Variants in KLRG2 observed in about 807,000 individuals in gnomAD.
The protein encoded by KLRG2 is killer cell lectin-like receptor subfamily G member 2.
KLRG2 carries 39 observed loss-of-function variants against 35.4 expected under a neutral mutation model. That is an observed-to-expected ratio of 1.10 (90% CI 0.85 to 1.44). KLRG2 has a LOEUF of 1.44. KLRG2 is among the 40% of genes most tolerant of loss of function. The probability of loss-of-function intolerance (pLI) is 0.00; values close to 1 mark genes in which losing one functional copy is unlikely to be tolerated. For missense variants in KLRG2, 632 were observed against 570.9 expected, an observed-to-expected ratio of 1.11 and a Z score of -1.09; for synonymous variants, 283 against 265.8, an observed-to-expected ratio of 1.06 and a Z score of -0.63.
chr7:139,444,430 C>G, the KLRG2 span, among the ~76,000 whole-genome samples: 1 of 152,316 alleles, frequency 6.6e-6, no homozygotes, highest in East Asian at 1.9e-4. Context: ...GATCCACCCA[C>G]CTGGGTCTCC....
At chr7:139,450,262 C>T (rs370101760), downstream of KLRG2, among the ~76,000 whole-genome samples, 2 of 150,876 alleles carry the variant, frequency 1.3e-5, no homozygotes, top group South Asian at 4.2e-4. Context: ...CTTGCTCTGT[C>T]GCCCAGGCTG....
intron 3 of KLRG2, among the ~76,000 whole-genome samples, chr7:139,462,126 G>T (rs1796579041): frequency 6.6e-6 from 1 of 152,086 alleles, no homozygotes. Context: ...GTAGAGACAG[G>T]AGACGCGTTT....
At chr7:139,467,914 C>G in intron 3 of KLRG2, among the ~76,000 whole-genome samples, 1 of 152,150 alleles carries the variant, frequency 6.6e-6, no homozygotes, top group Non-Finnish European at 1.5e-5. Flanking sequence ...TCCTGCTCGT[C>G]ACTGGGCAAT....
Position 139,466,395 on chromosome 7 carries a change from G to A in KLRG2, c.1006-12181C>T, listed in dbSNP as rs148362194. Among the ~76,000 whole-genome samples, 70 of 152,164 alleles carry A rather than the reference G, an allele frequency of 4.6e-4. No homozygotes were observed. The East Asian group carries it at 0.012, about 26-fold the overall frequency. ...TCTGATAATGGACCGGCCTTTATTA[G>A]TCAAATCACCCAAGCAGTTTCTCAG... On this transcript the variant is annotated intron_variant, in intron 3 of 4. Coordinates refer to ENST00000340940, the MANE Select transcript of KLRG2 (RefSeq NM_198508.4).
the KLRG2 span, among the ~76,000 whole-genome samples, chr7:139,444,019 C>T: frequency 6.6e-6 from 1 of 152,164 alleles, no homozygotes; most frequent in African/African-American, 2.4e-5. Flanking sequence ...GTCCAAGAGT[C>T]CAAAAGCTGA....
chr7:139,439,649 A>G, the KLRG2 span, among the ~76,000 whole-genome samples: 15 of 152,060 alleles, frequency 9.9e-5, no homozygotes, highest in Non-Finnish European at 2.1e-4. Flanking sequence ...CTTCCTCCCC[A>G]ATTTCTGGCA....
chr7:139,457,666 T>C (rs1796499962), intron 3 of KLRG2, among the ~76,000 whole-genome samples: 1 of 152,130 alleles, frequency 6.6e-6, no homozygotes, highest in Non-Finnish European at 1.5e-5. Flanking sequence ...TGTCCTTCTG[T>C]CAGAGCCCCA....
At chr7:139,449,017 A>C (rs2116412559), downstream of KLRG2, among the ~76,000 whole-genome samples, 1 of 149,556 alleles carries the variant, frequency 6.7e-6, no homozygotes, top group South Asian at 2.1e-4. Flanking sequence ...TGAGGCAGAG[A>C]ATTGCTTGAA....
intron 3 of KLRG2, among the ~76,000 whole-genome samples, chr7:139,469,815 T>C (rs2116460218): frequency 6.6e-6 from 1 of 152,334 alleles, no homozygotes; most frequent in South Asian, 2.1e-4. Flanking sequence ...GAGGAAGATC[T>C]GAGGGCTCCT....
chr7:139,436,026 C>T, the KLRG2 span, among the ~76,000 whole-genome samples: 2 of 152,168 alleles, frequency 1.3e-5, no homozygotes, highest in East Asian at 1.9e-4. Flanking sequence ...CTCAGCCTCC[C>T]AAGTAGCTGG....
At chr7:139,472,878 C>T (rs943526074) in intron 3 of KLRG2, among the ~76,000 whole-genome samples, 3 of 152,234 alleles carry the variant, frequency 2.0e-5, no homozygotes, top group African/African-American at 7.2e-5. Context: ...AAGATCCACT[C>T]ATCTTCCCCA....
At chr7:139,436,345 C>A in the KLRG2 span, among the ~76,000 whole-genome samples, 8 of 152,124 alleles carry the variant, frequency 5.3e-5, no homozygotes, top group Non-Finnish European at 8.8e-5. Context: ...GGAACCCCCC[C>A]CTTCACACCT....
chr7:139,440,839 C>T, the KLRG2 span, among the ~76,000 whole-genome samples: 4 of 152,178 alleles, frequency 2.6e-5, no homozygotes, highest in South Asian at 2.1e-4. Flanking sequence ...GGACACAATT[C>T]AATCTATAAC....
chr7:139,458,022 G>A (rs17160918), intron 3 of KLRG2, among the ~76,000 whole-genome samples: 55,610 of 152,036 alleles, frequency 0.37, 13,203 homozygotes, highest in African/African-American at 0.68. Flanking sequence ...CATATTTTAC[G>A]TCTTAAAATT....
chr7:139,431,774 C>G, the KLRG2 span, among the ~76,000 whole-genome samples: 1 of 152,082 alleles, frequency 6.6e-6, no homozygotes, highest in Non-Finnish European at 1.5e-5. Context: ...TACTGTGTAG[C>G]TCTTCTCTTC....
the KLRG2 span, among the ~76,000 whole-genome samples, chr7:139,428,466 C>T: frequency 6.6e-6 from 1 of 151,960 alleles, no homozygotes; most frequent in Non-Finnish European, 1.5e-5. Context: ...ACTATGTTTC[C>T]CAGGCTGGTC....
At chr7:139,463,024 CTTACAGTTTCGT>C (rs1796592994) in intron 3 of KLRG2, among the ~76,000 whole-genome samples, 1 of 152,208 alleles carries the variant, frequency 6.6e-6, no homozygotes, top group South Asian at 2.1e-4. Context: ...CCCGACGCGG[CTTACAGTTTCGT>C]TCTGCGACTA....
chr7:139,482,862 C>T, intron 1 of KLRG2, 24 bp downstream of exon 1: 1 of 1,378,728 alleles, frequency 7.3e-7, no homozygotes, highest in Admixed American at 3.5e-5. Flanking sequence ...GCGGCGTCGG[C>T]TGCCGGCGCA....
At chr7:139,475,033 G>A (rs1458705097) in intron 3 of KLRG2, among the ~76,000 whole-genome samples, 1 of 152,210 alleles carries the variant, frequency 6.6e-6, no homozygotes, top group Non-Finnish European at 1.5e-5. Context: ...AGGCCAAGAA[G>A]AATTGGAGCA....
Sources: gnomAD v4.1 joint callset for allele counts (sites outside exome capture counted in the v4.1 genomes callset) on GRCh38, gnomAD v4.1.1 for gene constraint, MANE v1.5 for transcripts, NCBI Gene and HGNC (gene_info 2026-07-23, HGNC 2026-07-21) for gene names.